Variants in SEZ6L observed in about 807,000 individuals in gnomAD.
The protein encoded by SEZ6L is seizure 6-like protein.
In SEZ6L, 37 loss-of-function variants were observed where a neutral mutation model predicts 106.2. That is an observed-to-expected ratio of 0.35 (90% CI 0.27 to 0.46). The LOEUF (loss-of-function observed/expected upper bound fraction) is 0.46. Ranked by LOEUF, SEZ6L falls within the 20% of genes least tolerant of loss-of-function variation. SEZ6L has a pLI of 1.00. For missense variants in SEZ6L, 1,172 were observed against 1,332.8 expected, an observed-to-expected ratio of 0.88 and a Z score of 1.88; for synonymous variants, 541 against 570.4, an observed-to-expected ratio of 0.95 and a Z score of 0.73.
chr22:26,175,429 C>G (rs898953749), intron 1 of SEZ6L, among the ~76,000 whole-genome samples: 1 of 152,072 alleles, frequency 6.6e-6, no homozygotes, highest in Non-Finnish European at 1.5e-5. Context: ...GGTTTAAATC[C>G]TTGGTGCCTT....
chr22:26,191,608 G>T (rs1421632378), intron 1 of SEZ6L, among the ~76,000 whole-genome samples: 4 of 151,886 alleles, frequency 2.6e-5, no homozygotes, highest in Non-Finnish European at 5.9e-5. Context: ...TGGGAGGAGG[G>T]AGAGCATCAG....
At chr22:26,251,829 T>C (rs1407430123) in intron 1 of SEZ6L, among the ~76,000 whole-genome samples, 5 of 152,188 alleles carry the variant, frequency 3.3e-5, no homozygotes, top group Non-Finnish European at 5.9e-5. Context: ...TCTTGCCTGA[T>C]AGAGCAAAGG....
Position 26,293,099 on chromosome 22 carries a change from C to A in SEZ6L, c.788C>A (p.Thr263Asn), listed in dbSNP as rs780192491. Reference protein sequence around the residue: ...SASEESQETTTSTIITTTVIT... With the variant: ...SASEESQETTNSTIITTTVIT... ...TCAGAGGAGAGCCAGGAGACCACTA[C>A]CTCCACCATTATCACCACCACGGTC... Residue 263 changes from threonine (T) to asparagine (N), a missense_variant, in exon 2 of 17, where the codon ACC becomes AAC. Physicochemically the swap from Thr to Asn is moderately conservative, Grantham distance 65. Coordinates refer to ENST00000248933, the MANE Select transcript of SEZ6L (RefSeq NM_021115.5). 3 of 1,603,178 alleles carry A rather than the reference C, an allele frequency of 1.9e-6. No individual in the cohort carries two copies. In the East Asian group the frequency reaches 6.7e-5, roughly 36 times the overall value.
At chr22:26,359,678 G>A (rs780461902) in intron 12 of SEZ6L, among the ~76,000 whole-genome samples, 4 of 152,068 alleles carry the variant, frequency 2.6e-5, no homozygotes, top group East Asian at 1.9e-4. Context: ...GATGGTGCAC[G>A]CCAGTGGTCC....
In SEZ6L at chr22:26,355,704, T is replaced by C. The variant is rs568285734; in HGVS notation, c.2599+4461T>C. Among the ~76,000 whole-genome samples the C allele has an allele frequency of 4.6e-5, 7 of 152,268 alleles. No individual in the cohort carries two copies. In the South Asian group the frequency reaches 1.5e-3, roughly 32 times the overall value. ...GAGATCACGCCACTGCACTCCAGCC[T>C]GGGCAACAGAGGGAGACCCTGTCTC... On this transcript the variant is annotated intron_variant, in intron 12 of 16. Transcript: ENST00000248933.
At chr22:26,293,181 A>G in intron 2 of SEZ6L, 35 bp downstream of exon 2, 1 of 1,474,358 alleles carries the variant, frequency 6.8e-7, no homozygotes, top group Non-Finnish European at 8.9e-7. Flanking sequence ...CCATCCTGAA[A>G]CAGCCATGAG....
At chr22:26,226,890 T>C (rs1272946541) in intron 1 of SEZ6L, among the ~76,000 whole-genome samples, 1 of 152,150 alleles carries the variant, frequency 6.6e-6, no homozygotes. Context: ...AGACCCCTTC[T>C]ACCATGAAGA....
intron 1 of SEZ6L, among the ~76,000 whole-genome samples, chr22:26,289,604 T>A (rs2081044490): frequency 6.6e-6 from 1 of 152,192 alleles, no homozygotes; most frequent in Non-Finnish European, 1.5e-5. Context: ...TGCTCCCAGA[T>A]ACCCATTCCT....
At chr22:26,188,046 C>CA (rs1278157687) in intron 1 of SEZ6L, among the ~76,000 whole-genome samples, 2 of 152,104 alleles carry the variant, frequency 1.3e-5, no homozygotes, top group Admixed American at 6.5e-5. Context: ...AACTTGGACT[C>CA]AAAATGTATC....
intron 5 of SEZ6L, 150 bp from the exon 6 acceptor site, chr22:26,305,829 G>A: frequency 1.2e-6 from 1 of 816,008 alleles, no homozygotes; most frequent in Non-Finnish European, 1.8e-6. Flanking sequence ...GGTCTCTGAT[G>A]TTTCATCCTG....
chr22:26,314,372 T>C (rs1244593462), intron 9 of SEZ6L, among the ~76,000 whole-genome samples: 1 of 152,204 alleles, frequency 6.6e-6, no homozygotes, highest in African/African-American at 2.4e-5. Flanking sequence ...GCAAAGGCCC[T>C]GTGGCAAGCA....
At chr22:26,217,360 C>T (rs557884577) in intron 1 of SEZ6L, among the ~76,000 whole-genome samples, 1 of 152,226 alleles carries the variant, frequency 6.6e-6, no homozygotes. Context: ...TGACATCCTC[C>T]CTTTTTTCTT....
chr22:26,373,770 C>A (rs5997082), intron 14 of SEZ6L, among the ~76,000 whole-genome samples: 14 of 152,186 alleles, frequency 9.2e-5, no homozygotes, highest in African/African-American at 3.4e-4. Flanking sequence ...AAGGCATAAC[C>A]CTATTGTAAA....
At chr22:26,234,737 A>C (rs1189408376) in intron 1 of SEZ6L, among the ~76,000 whole-genome samples, 1 of 152,254 alleles carries the variant, frequency 6.6e-6, no homozygotes, top group Non-Finnish European at 1.5e-5. Context: ...TGCTCTAGGC[A>C]CCAGAGAAAT....
chr22:26,240,067 GACACAC>G (rs67141647), intron 1 of SEZ6L, among the ~76,000 whole-genome samples: 18 of 136,010 alleles, frequency 1.3e-4, no homozygotes, highest in Admixed American at 3.0e-4. Context: ...CACACATACA[GACACAC>G]ACACACACAC....
At chr22:26,359,391 G>C (rs1264214864) in intron 12 of SEZ6L, among the ~76,000 whole-genome samples, 1 of 152,162 alleles carries the variant, frequency 6.6e-6, no homozygotes, top group Non-Finnish European at 1.5e-5. Flanking sequence ...ATGGTGCAGT[G>C]GTTAAGACCG....
At chr22:26,234,726 G>A (rs2078906641) in intron 1 of SEZ6L, among the ~76,000 whole-genome samples, 2 of 152,218 alleles carry the variant, frequency 1.3e-5, no homozygotes, top group Admixed American at 6.5e-5. Context: ...ACTATATACT[G>A]TGCTCTAGGC....
At chr22:26,266,887 C>T (rs1026678650) in intron 1 of SEZ6L, among the ~76,000 whole-genome samples, 2 of 151,938 alleles carry the variant, frequency 1.3e-5, no homozygotes, top group African/African-American at 4.8e-5. Context: ...TGAATGAATG[C>T]AAAGTGCTGC....
intron 1 of SEZ6L, among the ~76,000 whole-genome samples, chr22:26,268,255 C>T (rs2080251689): frequency 1.3e-5 from 2 of 152,202 alleles, no homozygotes; most frequent in African/African-American, 4.8e-5. Context: ...CAGATCTTGT[C>T]TCTCTTTCTG....
Sources: allele counts gnomAD v4.1 joint callset (sites outside exome capture counted in the v4.1 genomes callset), GRCh38; gene constraint gnomAD v4.1.1; transcripts MANE v1.5; gene names NCBI Gene and HGNC (gene_info 2026-07-23, HGNC 2026-07-21).